Variants in SNX7 observed in about 807,000 individuals in gnomAD.
SNX7 encodes the protein sorting nexin-7.
SNX7 carries 35 observed loss-of-function variants against 48.4 expected under a neutral mutation model. That is an observed-to-expected ratio of 0.72 (90% confidence interval 0.55 to 0.96). SNX7 has a LOEUF of 0.96. Ranked by LOEUF, SNX7 falls within the 40% of genes least tolerant of loss-of-function variation. The pLI is 0.00. For synonymous variants in SNX7, 190 were observed against 190.2 expected (o/e 1.00, Z 0.01); for missense variants, 553 against 548.9 (o/e 1.01, Z -0.07).
At chr1:98,731,340 G>A (rs1404206525) in intron 7 of SNX7, among the ~76,000 whole-genome samples, 3 of 151,950 alleles carry the variant, frequency 2.0e-5, no homozygotes. Context: ...TAGTAGACAG[G>A]AAGAATATTT....
intron 1 of SNX7, among the ~76,000 whole-genome samples, chr1:98,671,807 A>G (rs1649880558): frequency 6.6e-6 from 1 of 152,150 alleles, no homozygotes; most frequent in Admixed American, 6.5e-5. Context: ...CTTTATCACA[A>G]TTTTGAGATT....
At chr1:98,758,566 G>A (rs918704964) in intron 8 of SNX7, among the ~76,000 whole-genome samples, 2 of 152,006 alleles carry the variant, frequency 1.3e-5, no homozygotes, top group African/African-American at 2.4e-5. Flanking sequence ...TTGGCTTTCA[G>A]TACCTTCTAA....
rs72969722 is a variant in SNX7 at position 98,699,999 on chromosome 1, A to G, written c.1038+1094A>G. 2.4e-3 allele frequency among the ~76,000 whole-genome samples: 361 copies of G among 152,278 alleles called. 1 individual carries two copies. Among genetic ancestry groups the G allele is most frequent in the African/African-American group, 8.2e-3 (340 of 41,560 alleles). ...TTATTGGGGTCACCCCCTTGTGTCA[A>G]TCTTCAAGAAGATCAGATTTGTATG... is the stretch of plus-strand genomic sequence containing the variant. On this transcript the variant is annotated intron_variant, in intron 6 of 8. Coordinates refer to ENST00000306121, the MANE Select transcript of SNX7 (RefSeq NM_015976.5).
intron 8 of SNX7, among the ~76,000 whole-genome samples, chr1:98,757,504 G>A (rs910255383): frequency 6.6e-6 from 1 of 151,840 alleles, no homozygotes; most frequent in Non-Finnish European, 1.5e-5. Flanking sequence ...AGTCATATTG[G>A]ATTAGGGCTC....
intron 8 of SNX7, among the ~76,000 whole-genome samples, chr1:98,756,459 A>C (rs1056621388): frequency 2.4e-5 from 2 of 83,488 alleles, no homozygotes; most frequent in African/African-American, 8.9e-5. Flanking sequence ...TATTGGTTGT[A>C]GTGTGTTCTG....
chr1:98,684,835 A>G, intron 1 of SNX7, 50 bp from the exon 2 acceptor site: 1 of 1,277,010 alleles, frequency 7.8e-7, no homozygotes, highest in Non-Finnish European at 1.0e-6. Flanking sequence ...TAGAAATAGA[A>G]GAGTTTAATT....
At chr1:98,728,260 C>G (rs1269351489) in intron 7 of SNX7, among the ~76,000 whole-genome samples, 1 of 152,090 alleles carries the variant, frequency 6.6e-6, no homozygotes, top group East Asian at 1.9e-4. Context: ...TAATTTCCAA[C>G]CCAGAATCTC....
intron 8 of SNX7, among the ~76,000 whole-genome samples, chr1:98,756,644 G>C (rs1474978770): frequency 6.6e-6 from 1 of 151,436 alleles, no homozygotes; most frequent in Non-Finnish European, 1.5e-5. Flanking sequence ...ACTCTGCTTG[G>C]TGTGGGGCAC....
In SNX7 at chr1:98,702,898, C is replaced by T. The variant is rs1365782775; in HGVS notation, c.1125+995C>T. Among the ~76,000 whole-genome samples, 8 of 152,090 alleles carry T rather than the reference C, an allele frequency of 5.3e-5. No individual in the cohort carries two copies. In the South Asian group the frequency reaches 8.3e-4, roughly 16 times the overall value. On this transcript the variant is annotated intron_variant, in intron 7 of 8. Transcript: ENST00000306121. Reference sequence around the variant, plus strand: ...ATTGAGTGCACTTACATCAGGTGAGCGGGGGAGTCCTTGAAACTTCCCTGT... The same window carrying T: ...ATTGAGTGCACTTACATCAGGTGAGTGGGGGAGTCCTTGAAACTTCCCTGT...
intron 7 of SNX7, among the ~76,000 whole-genome samples, chr1:98,731,013 T>C (rs2101023868): frequency 6.6e-6 from 1 of 152,194 alleles, no homozygotes; most frequent in South Asian, 2.1e-4. Flanking sequence ...GAAAACTAGC[T>C]AATGCATACT....
chr1:98,670,814 A>G (rs1649814761), intron 1 of SNX7, among the ~76,000 whole-genome samples: 1 of 152,200 alleles, frequency 6.6e-6, no homozygotes, highest in African/African-American at 2.4e-5. Flanking sequence ...AAGAAAAAAA[A>G]ATTATGAGGA....
At chr1:98,738,162 C>A in intron 7 of SNX7, 75 bp from the exon 8 acceptor site, 1 of 1,491,570 alleles carries the variant, frequency 6.7e-7, no homozygotes, top group Admixed American at 2.0e-5. Flanking sequence ...GTATTTTGTT[C>A]AACTTAAATT....
At chr1:98,687,801 A>G (rs1363963925) in intron 2 of SNX7, among the ~76,000 whole-genome samples, 1 of 152,148 alleles carries the variant, frequency 6.6e-6, no homozygotes, top group Non-Finnish European at 1.5e-5. Context: ...GCTCACAATC[A>G]TGGCAGAAAG....
chr1:98,663,707 C>CT (rs1649395154), intron 1 of SNX7, among the ~76,000 whole-genome samples: 1 of 152,116 alleles, frequency 6.6e-6, no homozygotes. Context: ...ATTGAGATTT[C>CT]TTTTCTCATT....
intron 7 of SNX7, among the ~76,000 whole-genome samples, chr1:98,726,821 T>A (rs2101016478): frequency 6.6e-6 from 1 of 152,354 alleles, no homozygotes; most frequent in South Asian, 2.1e-4. Context: ...TGCTAGACTG[T>A]AAGCTCCCAG....
intron 7 of SNX7, among the ~76,000 whole-genome samples, chr1:98,719,951 A>G (rs912059580): frequency 6.6e-6 from 1 of 150,444 alleles, no homozygotes; most frequent in Non-Finnish European, 1.5e-5. Flanking sequence ...TCAACTGTAT[A>G]TATTTTAATA....
chr1:98,695,928 C>G (rs888818112), intron 5 of SNX7, among the ~76,000 whole-genome samples: 5 of 152,158 alleles, frequency 3.3e-5, no homozygotes, highest in Non-Finnish European at 7.4e-5. Flanking sequence ...ACTAGCTGCT[C>G]TACTTCCCAT....
At chr1:98,704,549 T>C (rs925823887) in intron 7 of SNX7, among the ~76,000 whole-genome samples, 4 of 152,148 alleles carry the variant, frequency 2.6e-5, no homozygotes, top group African/African-American at 7.2e-5. Flanking sequence ...CCGGCCTTGA[T>C]TGGTCACAGA....
chr1:98,697,254 G>T (rs1651506592), intron 5 of SNX7, among the ~76,000 whole-genome samples: 2 of 151,982 alleles, frequency 1.3e-5, no homozygotes, highest in Non-Finnish European at 1.5e-5. Flanking sequence ...GTGATTAAAT[G>T]TTCATTACAT....
Sources: gnomAD v4.1 joint callset for allele counts (sites outside exome capture counted in the v4.1 genomes callset) on GRCh38, gnomAD v4.1.1 for gene constraint, MANE v1.5 for transcripts, NCBI Gene and HGNC (gene_info 2026-07-23, HGNC 2026-07-21) for gene names.